Variants in FYB1 observed in about 807,000 individuals in gnomAD.
The protein encoded by FYB1 is FYN-binding protein 1.
Under a neutral mutation model 94.1 loss-of-function variants are expected in FYB1, and 41 were observed. The observed-to-expected ratio is 0.44, with a 90% CI of 0.34 to 0.57. The LOEUF is 0.57. Among genes scored for constraint, FYB1 ranks in the 20% least tolerant of loss-of-function variants. The pLI is 0.02. For missense variants in FYB1, 1,050 were observed against 976.8 expected, an observed-to-expected ratio of 1.07 and a Z score of -1.00; for synonymous variants, 367 against 353.2, an observed-to-expected ratio of 1.04 and a Z score of -0.44.
chr5:39,129,004 G>A (rs1296090393), intron 10 of FYB1, among the ~76,000 whole-genome samples: 1 of 151,968 alleles, frequency 6.6e-6, no homozygotes, highest in South Asian at 2.1e-4. Flanking sequence ...ATAAAAAAGA[G>A]CATTAATAGC....
chr5:39,123,975 T>C (rs1740378814), intron 13 of FYB1, among the ~76,000 whole-genome samples: 2 of 152,150 alleles, frequency 1.3e-5, no homozygotes, highest in South Asian at 4.1e-4. Context: ...CTGGGGGATA[T>C]AGGGAAAATT....
Position 39,136,144 on chromosome 5 carries a change from A to G in FYB1, c.1516-1130T>C, listed in dbSNP as rs536233446. Among the ~76,000 whole-genome samples the G allele has an allele frequency of 1.1e-4, 17 of 152,114 alleles. No homozygotes were observed. In the South Asian group the frequency reaches 2.7e-3, roughly 24 times the overall value. ...GAGTGCCGAGGCCCGATCTCAGCTC[A>G]CTGCAAGCTCTGCCTCCCAGGTTCA... On this transcript the variant is annotated intron_variant, in intron 7 of 18. Coordinates refer to ENST00000512982, the MANE Select transcript of FYB1 (RefSeq NM_001465.6).
At chr5:39,260,226 T>C (rs907136928) in intron 1 of FYB1, among the ~76,000 whole-genome samples, 4 of 152,214 alleles carry the variant, frequency 2.6e-5, no homozygotes, top group African/African-American at 9.6e-5. Context: ...GTCATTAGGC[T>C]TTAGATCAGA....
At chr5:39,124,650 A>T (rs1265160239) in intron 12 of FYB1, among the ~76,000 whole-genome samples, 1 of 152,152 alleles carries the variant, frequency 6.6e-6, no homozygotes, top group Non-Finnish European at 1.5e-5. Flanking sequence ...TGGCATACAT[A>T]TTCTGCCTCC....
At chr5:39,125,172 T>G (rs181171116) in intron 12 of FYB1, among the ~76,000 whole-genome samples, 1 of 152,170 alleles carries the variant, frequency 6.6e-6, no homozygotes. Flanking sequence ...GAATTTCAAG[T>G]GTACTCTTTA....
At chr5:39,254,106 T>A (rs1301244526) in intron 1 of FYB1, among the ~76,000 whole-genome samples, 1 of 152,180 alleles carries the variant, frequency 6.6e-6, no homozygotes, top group African/African-American at 2.4e-5. Flanking sequence ...TGATGGGCAT[T>A]TAGGTGGATT....
At chr5:39,139,307 T>C (rs1366187749) in intron 4 of FYB1, 55 bp from the exon 5 acceptor site, 1 of 1,315,056 alleles carries the variant, frequency 7.6e-7, no homozygotes, top group Admixed American at 2.5e-5. Flanking sequence ...AGCACTTTAA[T>C]GTAAGATTAT....
intron 1 of FYB1, among the ~76,000 whole-genome samples, chr5:39,233,992 C>T (rs948325711): frequency 2.0e-5 from 3 of 152,132 alleles, no homozygotes; most frequent in Admixed American, 2.0e-4. Flanking sequence ...TTGAGAACCA[C>T]TGCTCTGGCC....
chr5:39,146,073 C>A (rs1186098130), intron 3 of FYB1, among the ~76,000 whole-genome samples: 8 of 151,738 alleles, frequency 5.3e-5, no homozygotes, highest in African/African-American at 1.7e-4. Context: ...TGCCACCATG[C>A]CCGGCTAATT....
chr5:39,219,272 A>T (rs1184212858), intron 1 of FYB1, among the ~76,000 whole-genome samples, 171 bp downstream of exon 1: 1 of 152,196 alleles, frequency 6.6e-6, no homozygotes, highest in Non-Finnish European at 1.5e-5. Flanking sequence ...CATGAGGCTG[A>T]GTTTTAGTGT....
intron 2 of FYB1, among the ~76,000 whole-genome samples, chr5:39,173,635 T>C (rs1348658327): frequency 6.6e-6 from 1 of 152,152 alleles, no homozygotes; most frequent in Non-Finnish European, 1.5e-5. Context: ...GAGAGGCAGG[T>C]GTCCAGTTTT....
intron 2 of FYB1, among the ~76,000 whole-genome samples, chr5:39,185,812 G>C (rs1561230806): frequency 1.3e-5 from 2 of 152,012 alleles, no homozygotes; most frequent in African/African-American, 4.8e-5. Flanking sequence ...CTCCGTGAGG[G>C]TTCCGCACTC....
At chr5:39,169,097 G>A (rs1463004724) in intron 2 of FYB1, 3 of 628,114 alleles carry the variant, frequency 4.8e-6, no homozygotes, top group African/African-American at 3.7e-5. Flanking sequence ...TTAAAAGCTT[G>A]TAGTGATAAA....
intron 1 of FYB1, among the ~76,000 whole-genome samples, chr5:39,260,688 T>C (rs1243490560): frequency 6.6e-6 from 1 of 152,300 alleles, no homozygotes; most frequent in South Asian, 2.1e-4. Flanking sequence ...AGAATATTTA[T>C]AGTCAGCTCA....
intron 16 of FYB1, among the ~76,000 whole-genome samples, chr5:39,115,089 A>G (rs977360397): frequency 3.6e-5 from 5 of 138,046 alleles, no homozygotes; most frequent in Non-Finnish European, 7.8e-5. Flanking sequence ...TAGTAGGATG[A>G]AACACATAAT....
Position 39,182,287 on chromosome 5 carries a change from A to ATG in FYB1, c.1135+19537_1135+19538dup, listed in dbSNP as rs57111701. On this transcript the variant is annotated intron_variant, in intron 2 of 18. Transcript: ENST00000512982. ...ATGCTTTTTGTGTGTGTGTGCATGCATGTGTGTGTGTGTGTGTGTGTGTGT... is the reference window on the plus strand; with the variant it reads ...ATGCTTTTTGTGTGTGTGTGCATGCATGTGTGTGTGTGTGTGTGTGTGTGTGT... Among the ~76,000 whole-genome samples the ATG allele has an allele frequency of 4.1e-4, 57 of 140,300 alleles. 2 individuals carry two copies. In the East Asian group the frequency reaches 9.3e-3, roughly 23 times the overall value. The allele number at this position is 140,300 out of a possible 152,430, so 92.0% of individuals were successfully genotyped here.
At chr5:39,211,390 G>A in intron 1 of FYB1, among the ~76,000 whole-genome samples, 1 of 149,562 alleles carries the variant, frequency 6.7e-6, no homozygotes, top group East Asian at 2.0e-4. Context: ...GCGCGATCTC[G>A]GCCCACTGCA....
chr5:39,172,779 T>C (rs1745371026), intron 2 of FYB1, among the ~76,000 whole-genome samples: 1 of 152,246 alleles, frequency 6.6e-6, no homozygotes, highest in Admixed American at 6.5e-5. Flanking sequence ...GGACATGACT[T>C]CATTCTTTTT....
At position 39,113,057 on chromosome 5, in the gene FYB1, G is replaced by A. The variant is rs192869104; in HGVS notation, c.2402-2668C>T. ...CTTTTAATACAGCACAGGTTTTCCT[G>A]TCTAGTACCTTTAAAAATCTCAGCT... On this transcript the variant is annotated intron_variant, in intron 16 of 18. Transcript: ENST00000512982. 6.0e-3 allele frequency among the ~76,000 whole-genome samples: 914 copies of A among 152,166 alleles called. 2 individuals carry two copies. Among genetic ancestry groups the A allele is most frequent in the Non-Finnish European group, 9.8e-3 (664 of 67,966 alleles).
Sources: gnomAD v4.1 joint callset for allele counts (sites outside exome capture counted in the v4.1 genomes callset) on GRCh38, gnomAD v4.1.1 for gene constraint, MANE v1.5 for transcripts, NCBI Gene and HGNC (gene_info 2026-07-23, HGNC 2026-07-21) for gene names.